HDAC4: variants seen among roughly 807,000 people sequenced by gnomAD.
The protein encoded by HDAC4 is histone deacetylase A.
A neutral mutation model predicts 135.1 loss-of-function variants in HDAC4; 16 were observed. That is an observed-to-expected ratio of 0.12 (90% CI 0.08 to 0.18). The LOEUF (loss-of-function observed/expected upper bound fraction) is 0.18, where lower values mean the gene tolerates loss of function less well. HDAC4 is among the 10% of genes least tolerant of loss of function. The pLI, the probability that HDAC4 is intolerant of heterozygous loss-of-function variation, is 1.00. For synonymous variants in HDAC4, 685 were observed against 653.4 expected, an observed-to-expected ratio of 1.05 and a Z score of -0.74; for missense variants, 1,143 against 1,511.8, an observed-to-expected ratio of 0.76 and a Z score of 4.05.
intron 18 of HDAC4, among the ~76,000 whole-genome samples, chr2:239,088,915 A>T (rs1405620000): frequency 6.6e-6 from 1 of 152,228 alleles, no homozygotes; most frequent in African/African-American, 2.4e-5. Context: ...ATGGGTCAGA[A>T]TATGGAAGAT....
chr2:239,372,552 G>A (rs139438652), intron 1 of HDAC4, among the ~76,000 whole-genome samples: 31 of 152,282 alleles, frequency 2.0e-4, no homozygotes, highest in Non-Finnish European at 4.0e-4. Flanking sequence ...CACTCCACAC[G>A]CTGCTCTGCA....
chr2:239,111,654 A>T lies in HDAC4; in HGVS notation c.1850T>A (p.Met617Lys). 6.2e-7 allele frequency: 1 copy of T among 1,606,548 alleles called. No homozygotes were observed. Among genetic ancestry groups the T allele is most frequent in the South Asian group, 1.1e-5 (1 of 89,794 alleles). The stretch of plus-strand genomic sequence containing the variant: ...GGACACGGGGATGCCGGCGGCCTCC[A>T]TGGACGCCTGGTAGTTCCTCAGCTG... ...IHQLRNYQAS[M>K]EAAGIPVSFG... Residue 617 changes from methionine (M) to lysine (K), a missense_variant, in exon 14 of 27, where the codon ATG becomes AAG. Physicochemically the swap from Met to Lys is moderately conservative, Grantham distance 95. Coordinates refer to ENST00000543185, the MANE Select transcript of HDAC4 (RefSeq NM_001378414.1).
chr2:239,154,253 G>A (rs1019626492), intron 7 of HDAC4, among the ~76,000 whole-genome samples: 1 of 152,070 alleles, frequency 6.6e-6, no homozygotes, highest in African/African-American at 2.4e-5. Flanking sequence ...TGGTGCTCTC[G>A]CTGGAAGCTC....
rs995549176 is a variant in HDAC4, at chr2:239,349,006, T to A, written c.22+3672A>T. 1.3e-5 allele frequency among the ~76,000 whole-genome samples: 2 copies of A among 152,158 alleles called. No individual in the cohort carries two copies. Among genetic ancestry groups the A allele is most frequent in the Non-Finnish European group, 2.9e-5 (2 of 68,030 alleles). ...CACACTGCACTAGAAGGGCACTTCA[T>A]CAGCAGGGCAAAGCCAAGTCACATG... On this transcript the variant is annotated intron_variant, in intron 2 of 26. Transcript: ENST00000543185. The surrounding 1 kb of genome is among the most constrained non-coding windows in gnomAD (Gnocchi z 5.7).
At position 239,285,558 on chromosome 2, in the gene HDAC4, G is replaced by A. The variant is rs1354531143; in HGVS notation, c.23-48894C>T. On this transcript the variant is annotated intron_variant, in intron 2 of 26. Transcript: ENST00000543185. The surrounding 1 kb of genome is among the most constrained non-coding windows in gnomAD (Gnocchi z 4.5). ...CGAAGCTGGGTAAAAGGGGCTGAGA[G>A]AAAGCTGGCCAAAGGTTGGGCTTTT... Among the ~76,000 whole-genome samples, 2 of 152,234 alleles carry A rather than the reference G, an allele frequency of 1.3e-5. No individual in the cohort carries two copies. Among genetic ancestry groups the A allele is most frequent in the African/African-American group, 4.8e-5 (2 of 41,464 alleles).
chr2:239,172,502 T>C (rs1290960591), intron 5 of HDAC4, among the ~76,000 whole-genome samples: 1 of 152,006 alleles, frequency 6.6e-6, no homozygotes, highest in African/African-American at 2.4e-5. Flanking sequence ...GGGATGCAGA[T>C]AAAGTTGCAT....
chr2:239,208,326 CAAAA>C (rs759398313), intron 3 of HDAC4, among the ~76,000 whole-genome samples: 12 of 68,210 alleles, frequency 1.8e-4, no homozygotes, highest in Middle Eastern at 0.011. Flanking sequence ...GACTCCGTCC[CAAAA>C]AAAAAAAAAA....
chr2:239,391,152 G>A (rs559036519), intron 1 of HDAC4, among the ~76,000 whole-genome samples: 8 of 152,198 alleles, frequency 5.3e-5, no homozygotes, highest in Non-Finnish European at 1.2e-4. Context: ...ATCACGAGCC[G>A]GGCTCTGCAT....
At position 239,159,244 on chromosome 2, in the gene HDAC4, C is replaced by T. The variant is rs117033975; in HGVS notation, c.612-2471G>A. ...CCCACATCTCACTTTTCACACCTGA[C>T]GCTCGCACCTACACTACTCACACCC... is the stretch of plus-strand genomic sequence containing the variant. On this transcript the variant is annotated intron_variant, in intron 6 of 26. Transcript: ENST00000543185. Among the ~76,000 whole-genome samples the T allele has an allele frequency of 1.8e-3, 271 of 150,340 alleles. 1 individual carries two copies. Among genetic ancestry groups the T allele is most frequent in the Non-Finnish European group, 3.1e-3 (207 of 67,442 alleles).
intron 5 of HDAC4, among the ~76,000 whole-genome samples, chr2:239,166,490 C>T (rs2043129633): frequency 6.6e-6 from 1 of 152,100 alleles, no homozygotes; most frequent in Non-Finnish European, 1.5e-5. Context: ...GGTAGGGTGG[C>T]GGTGGGGGGA....
At chr2:239,324,175 A>C (rs1207957412) in intron 2 of HDAC4, among the ~76,000 whole-genome samples, 1 of 152,260 alleles carries the variant, frequency 6.6e-6, no homozygotes, top group Non-Finnish European at 1.5e-5. Flanking sequence ...AATATTTTCA[A>C]ACATAGAGTA....
At chr2:239,180,204 G>A (rs1226609337) in intron 4 of HDAC4, among the ~76,000 whole-genome samples, 1 of 152,096 alleles carries the variant, frequency 6.6e-6, no homozygotes, top group Non-Finnish European at 1.5e-5. Flanking sequence ...GAGCCTGGAG[G>A]TCCAGCTCAG....
intron 3 of HDAC4, among the ~76,000 whole-genome samples, chr2:239,206,376 A>G (rs966028480): frequency 6.6e-6 from 1 of 150,664 alleles, no homozygotes; most frequent in African/African-American, 2.5e-5. Context: ...CGGCTGTTAT[A>G]TACATGCACA....
chr2:239,230,368 C>CA (rs56105562), intron 3 of HDAC4, among the ~76,000 whole-genome samples: 12,318 of 79,298 alleles, frequency 0.16, 1,429 homozygotes, highest in East Asian at 0.33. Flanking sequence ...AGCAAGCAAG[C>CA]AAAAAAAAAA....
intron 12 of HDAC4, among the ~76,000 whole-genome samples, chr2:239,122,219 C>T (rs1440000962): frequency 1.3e-5 from 2 of 152,212 alleles, no homozygotes; most frequent in South Asian, 2.1e-4. Flanking sequence ...CGAGGCCCTC[C>T]GCTCTGCAGG....
chr2:239,183,775 G>C (rs1260693054), intron 4 of HDAC4, among the ~76,000 whole-genome samples: 1 of 152,288 alleles, frequency 6.6e-6, no homozygotes, highest in African/African-American at 2.4e-5. Context: ...GCACAGCTCA[G>C]GTGAGCTCTA....
At chr2:239,077,539 G>A (rs951597805) in intron 22 of HDAC4, among the ~76,000 whole-genome samples, 1 of 152,282 alleles carries the variant, frequency 6.6e-6, no homozygotes, top group Non-Finnish European at 1.5e-5. Context: ...TCTCAGCTCT[G>A]AGGCTGTAGC....
At position 239,081,175 on chromosome 2, in the gene HDAC4, G is replaced by T. The variant is rs138832657; in HGVS notation, c.2670C>A (p.Gly890=). The T allele has an allele frequency of 3.1e-5, 50 of 1,613,336 alleles. No individual in the cohort carries two copies. The highest frequency in any genetic ancestry group is 4.2e-5 in the Non-Finnish European group (50 of 1,179,886). ...AAGCCATGTTGACGTTGAAACCCAC[G>T]CCGGGCCCTGTGCCCACCTGTGGCC... ...GAPDEVGTGP[G]VGFNVNMAFT... is the part of the protein sequence containing the mutation. The change falls in exon 22 of 27, where the codon GGC becomes GGA. Residue 890 remains glycine (G), a synonymous_variant. Coordinates refer to ENST00000543185, the MANE Select transcript of HDAC4 (RefSeq NM_001378414.1).
At chr2:239,277,186 AAAG>A (rs2050420079) in intron 2 of HDAC4, among the ~76,000 whole-genome samples, 1 of 152,240 alleles carries the variant, frequency 6.6e-6, no homozygotes, top group South Asian at 2.1e-4. Flanking sequence ...AGGATCAGTA[AAAG>A]AAGAAAACAT....
Sources: allele counts gnomAD v4.1 joint callset (sites outside exome capture counted in the v4.1 genomes callset), GRCh38; gene constraint gnomAD v4.1.1; non-coding constraint Gnocchi (gnomAD v3.1); transcripts MANE v1.5; gene names NCBI Gene and HGNC (gene_info 2026-07-23, HGNC 2026-07-21).